PPFIA2: variants seen among roughly 807,000 people sequenced by gnomAD.
PPFIA2 encodes PPFI scaffold protein A2, also known as liprin-alpha-2.
In PPFIA2, 46 loss-of-function variants were observed where a neutral mutation model predicts 175.5. That is an observed-to-expected ratio of 0.26 (90% CI 0.21 to 0.34). The LOEUF is 0.34. Among genes scored for constraint, PPFIA2 ranks in the 10% least tolerant of loss-of-function variants. The probability of loss-of-function intolerance (pLI) is 1.00; values close to 1 mark genes in which losing one functional copy is unlikely to be tolerated. For synonymous variants in PPFIA2, 568 were observed against 511.4 expected, an observed-to-expected ratio of 1.11 and a Z score of -1.49; for missense variants, 1,179 against 1,506.1, an observed-to-expected ratio of 0.78 and a Z score of 3.60.
intron 22 of PPFIA2, among the ~76,000 whole-genome samples, chr12:81,320,265 T>C (rs2053368639): frequency 6.6e-6 from 1 of 152,024 alleles, no homozygotes; most frequent in Non-Finnish European, 1.5e-5. Flanking sequence ...AGGATTGTGA[T>C]GGGAATAAAT....
chr12:81,609,101 T>G (rs1276582925), intron 4 of PPFIA2, among the ~76,000 whole-genome samples: 2 of 152,044 alleles, frequency 1.3e-5, no homozygotes, highest in Admixed American at 1.3e-4. Context: ...AGATTTTTTT[T>G]GCTATCAATT....
intron 3 of PPFIA2, among the ~76,000 whole-genome samples, chr12:81,725,064 T>C (rs2079877608): frequency 6.6e-6 from 1 of 151,148 alleles, no homozygotes; most frequent in Non-Finnish European, 1.5e-5. Flanking sequence ...TTAATTTGCA[T>C]TTCTCTGATG....
intron 4 of PPFIA2, among the ~76,000 whole-genome samples, chr12:81,593,778 A>G (rs1165575238): frequency 6.6e-6 from 1 of 152,162 alleles, no homozygotes; most frequent in African/African-American, 2.4e-5. Flanking sequence ...GAGCATGCAA[A>G]CAACTTTTTT....
At chr12:81,469,524 A>C (rs189098792) in intron 4 of PPFIA2, among the ~76,000 whole-genome samples, 1 of 152,324 alleles carries the variant, frequency 6.6e-6, no homozygotes, top group Admixed American at 6.5e-5. Context: ...GCCAGGCAAA[A>C]TGTATGTTGA....
chr12:81,424,981 G>C (rs955541694), intron 7 of PPFIA2: 1 of 152,168 alleles, frequency 6.6e-6, no homozygotes, highest in Non-Finnish European at 1.5e-5. Flanking sequence ...TTTAAAAGGA[G>C]AGATTAGAAG....
chr12:81,365,820 T>C (rs931495114), intron 14 of PPFIA2, among the ~76,000 whole-genome samples: 3 of 151,810 alleles, frequency 2.0e-5, no homozygotes, highest in Admixed American at 2.0e-4. Context: ...AGACCTATCT[T>C]TCAGGAGATT....
intron 2 of PPFIA2, among the ~76,000 whole-genome samples, chr12:81,758,070 C>G (rs998504035): frequency 2.6e-5 from 4 of 152,154 alleles, no homozygotes; most frequent in African/African-American, 9.7e-5. Context: ...TTTACACTTT[C>G]TTTACCCTAG....
intron 9 of PPFIA2, among the ~76,000 whole-genome samples, chr12:81,382,481 C>G (rs185770647): frequency 5.8e-4 from 88 of 152,240 alleles, no homozygotes; most frequent in African/African-American, 2.1e-3. Flanking sequence ...GACCAGGAAA[C>G]AGATGACCAT....
At chr12:81,561,194 T>C (rs2069991515) in intron 4 of PPFIA2, among the ~76,000 whole-genome samples, 1 of 152,184 alleles carries the variant, frequency 6.6e-6, no homozygotes, top group Admixed American at 6.5e-5. Flanking sequence ...GTGTATATGA[T>C]ATGAGATGGC....
At chr12:81,349,864 G>A (rs1346557645) in intron 17 of PPFIA2, among the ~76,000 whole-genome samples, 1 of 152,158 alleles carries the variant, frequency 6.6e-6, no homozygotes, top group Non-Finnish European at 1.5e-5. Flanking sequence ...AGCGAGCTGT[G>A]AAGACAGAAA....
intron 21 of PPFIA2, among the ~76,000 whole-genome samples, chr12:81,330,831 C>T (rs2055960730): frequency 1.3e-5 from 2 of 152,170 alleles, no homozygotes; most frequent in African/African-American, 4.8e-5. Context: ...TAAATTGTTA[C>T]TTAATTGTTC....
intron 8 of PPFIA2, among the ~76,000 whole-genome samples, chr12:81,398,918 A>G (rs1004897943): frequency 6.6e-6 from 1 of 152,032 alleles, no homozygotes; most frequent in South Asian, 2.1e-4. Context: ...GTACACAACA[A>G]TATTTCCTAA....
chr12:81,672,391 T>G (rs1037357482), intron 4 of PPFIA2, among the ~76,000 whole-genome samples: 3 of 151,926 alleles, frequency 2.0e-5, no homozygotes, highest in Non-Finnish European at 4.4e-5. Flanking sequence ...ATTGAAATTG[T>G]TTTAAATTCT....
chr12:81,571,115 C>T (rs2072460936), intron 4 of PPFIA2, among the ~76,000 whole-genome samples: 1 of 151,912 alleles, frequency 6.6e-6, no homozygotes, highest in Non-Finnish European at 1.5e-5. Flanking sequence ...AGCTATGATA[C>T]CAGCATTTAT....
intron 4 of PPFIA2, among the ~76,000 whole-genome samples, chr12:81,667,123 A>G (rs2153558588): frequency 6.6e-6 from 1 of 152,208 alleles, no homozygotes; most frequent in Middle Eastern, 3.4e-3. Context: ...ACCATTCTAC[A>G]TCACCAAGCT....
At chr12:81,459,009 G>A (rs1203991275) in intron 4 of PPFIA2, among the ~76,000 whole-genome samples, 1 of 152,104 alleles carries the variant, frequency 6.6e-6, no homozygotes. Flanking sequence ...TGATGATTAT[G>A]CAAAGCTGGG....
At chr12:81,364,824 G>C (rs944635298) in intron 14 of PPFIA2, among the ~76,000 whole-genome samples, 6 of 151,758 alleles carry the variant, frequency 4.0e-5, no homozygotes, top group Non-Finnish European at 8.8e-5. Flanking sequence ...AACAAACATA[G>C]GGGTCAAGAC....
intron 4 of PPFIA2, among the ~76,000 whole-genome samples, chr12:81,551,328 T>C (rs139787943): frequency 3.8e-4 from 58 of 152,150 alleles, no homozygotes; most frequent in African/African-American, 1.3e-3. Flanking sequence ...ATTTAGTTAA[T>C]TTCATTATTT....
intron 4 of PPFIA2, among the ~76,000 whole-genome samples, chr12:81,594,888 G>T (rs1255086646): frequency 6.6e-6 from 1 of 151,988 alleles, no homozygotes; most frequent in Non-Finnish European, 1.5e-5. Context: ...ACTCCAGCCT[G>T]GGCAACAGAG....
Sources: gnomAD v4.1 joint callset for allele counts (sites outside exome capture counted in the v4.1 genomes callset) on GRCh38, gnomAD v4.1.1 for gene constraint, MANE v1.5 for transcripts, NCBI Gene and HGNC (gene_info 2026-07-23, HGNC 2026-07-21) for gene names.